The following NRG3 variants were observed in gnomAD, a reference collection of about 807,000 sequenced individuals.
NRG3 encodes pro-neuregulin-3, membrane-bound isoform.
In NRG3, 31 loss-of-function variants were observed where a neutral mutation model predicts 66.9. The observed-to-expected ratio is 0.46, with a 90% CI of 0.35 to 0.63. The LOEUF (loss-of-function observed/expected upper bound fraction) is 0.63, where lower values mean the gene tolerates loss of function less well. NRG3 is among the 20% of genes least tolerant of loss of function. NRG3 has a pLI of 0.00. For synonymous variants in NRG3, 393 were observed against 359.4 expected, an observed-to-expected ratio of 1.09 and a Z score of -1.06; for missense variants, 910 against 878.9, an observed-to-expected ratio of 1.04 and a Z score of -0.45.
At chr10:82,007,516 A>G (rs534107058) in intron 1 of NRG3, among the ~76,000 whole-genome samples, 22 of 152,228 alleles carry the variant, frequency 1.4e-4, no homozygotes, top group African/African-American at 4.3e-4. Flanking sequence ...CCTAAAATCA[A>G]ATTTTCTAAC....
intron 2 of NRG3, among the ~76,000 whole-genome samples, chr10:82,527,319 A>T (rs922547231): frequency 3.8e-5 from 5 of 130,082 alleles, no homozygotes; most frequent in Admixed American, 2.3e-4. Context: ...AATTAAAAAA[A>T]AAAATATTAG....
chr10:82,382,416 A>G (rs2085672545), intron 2 of NRG3, among the ~76,000 whole-genome samples: 1 of 151,982 alleles, frequency 6.6e-6, no homozygotes, highest in African/African-American at 2.4e-5. Flanking sequence ...AGTATGTGAT[A>G]ACTAGTTAAG....
intron 1 of NRG3, among the ~76,000 whole-genome samples, chr10:82,222,867 C>A (rs1473831992): frequency 6.6e-6 from 1 of 152,148 alleles, no homozygotes; most frequent in African/African-American, 2.4e-5. Flanking sequence ...GTCACATATA[C>A]TTTTTACATC....
chr10:82,493,108 G>GT (rs967384460), intron 2 of NRG3, among the ~76,000 whole-genome samples: 2,141 of 145,890 alleles, frequency 0.015, 44 homozygotes, highest in African/African-American at 0.05. Flanking sequence ...GTTCAGGTTT[G>GT]TTTTTTTTTT....
rs1554959773 is a variant in NRG3 at position 82,548,058 on chromosome 10, T to TTTA, written c.953+189190_953+189191insTTA. 1.2e-4 allele frequency among the ~76,000 whole-genome samples: 18 copies of TTTA among 148,664 alleles called. No homozygotes were observed. The East Asian group carries it at 1.6e-3, about 13-fold the overall frequency. ...TGCCACGTTTTTTTTTTTTTTTTTTTAAATCATGGAAGGAATTCTAGGAGA... is the reference window on the plus strand; with the variant it reads ...TGCCACGTTTTTTTTTTTTTTTTTTTTTAAAATCATGGAAGGAATTCTAGGAGA... On this transcript the variant is annotated intron_variant, in intron 2 of 8. Coordinates refer to ENST00000372141, the MANE Select transcript of NRG3 (RefSeq NM_001010848.4).
rs142750121 is a variant in NRG3 at position 82,129,415 on chromosome 10, A to G, written c.824-229324A>G. On this transcript the variant is annotated intron_variant, in intron 1 of 8. Coordinates refer to ENST00000372141, the MANE Select transcript of NRG3 (RefSeq NM_001010848.4). ...CTCCTCTATAGATTTCCTTGTTTTA[A>G]TTCTTATGGGTACATAGTTGGTGTA... Among the ~76,000 whole-genome samples, 599 of 152,084 alleles carry G rather than the reference A, an allele frequency of 3.9e-3. 5 individuals are homozygous for G. Among genetic ancestry groups the G allele is most frequent in the African/African-American group, 0.014 (569 of 41,478 alleles).
chr10:82,854,628 C>T (rs474496), intron 3 of NRG3, among the ~76,000 whole-genome samples: 1 of 152,016 alleles, frequency 6.6e-6, no homozygotes, highest in Non-Finnish European at 1.5e-5. Flanking sequence ...GCCCGACTTC[C>T]GAAGCTACAG....
chr10:82,358,097 A>G (rs2083895266), intron 1 of NRG3, among the ~76,000 whole-genome samples: 3 of 152,302 alleles, frequency 2.0e-5, no homozygotes, highest in East Asian at 3.9e-4. Context: ...AGTAATTATG[A>G]TTTTAAGAAT....
intron 2 of NRG3, among the ~76,000 whole-genome samples, chr10:82,647,291 G>A (rs995767041): frequency 7.9e-5 from 12 of 152,090 alleles, no homozygotes; most frequent in South Asian, 2.1e-4. Flanking sequence ...TACTGAGGAT[G>A]ATGATTTCCA....
intron 1 of NRG3, among the ~76,000 whole-genome samples, chr10:82,048,370 G>A (rs1589907149): frequency 2.0e-5 from 3 of 151,886 alleles, no homozygotes; most frequent in Admixed American, 6.6e-5. Flanking sequence ...CTCAGCAAAC[G>A]TAAAAGAACA....
chr10:82,517,529 G>A (rs1421807167), intron 2 of NRG3, among the ~76,000 whole-genome samples: 1 of 151,996 alleles, frequency 6.6e-6, no homozygotes, highest in Non-Finnish European at 1.5e-5. Context: ...ATAATCTTGT[G>A]TGTCTTCAAA....
intron 2 of NRG3, among the ~76,000 whole-genome samples, chr10:82,568,801 T>TG (rs2045566989): frequency 6.6e-6 from 1 of 151,856 alleles, no homozygotes; most frequent in Non-Finnish European, 1.5e-5. Flanking sequence ...CATTGTGATG[T>TG]AAATCCTAAC....
chr10:82,460,062 C>T (rs187059627), intron 2 of NRG3, among the ~76,000 whole-genome samples: 241 of 152,248 alleles, frequency 1.6e-3, no homozygotes, highest in African/African-American at 5.6e-3. Context: ...CATCTTTCTC[C>T]GCTTTTTGCT....
chr10:81,966,940 G>T (rs559664760), intron 1 of NRG3, among the ~76,000 whole-genome samples: 1 of 151,400 alleles, frequency 6.6e-6, no homozygotes, highest in African/African-American at 2.4e-5. Context: ...CATGCTATTT[G>T]TTTTATATTT....
At chr10:82,450,974 T>C (rs993662881) in intron 2 of NRG3, among the ~76,000 whole-genome samples, 3 of 152,202 alleles carry the variant, frequency 2.0e-5, no homozygotes, top group African/African-American at 7.2e-5. Context: ...CAGGTATTTT[T>C]CTAAATTAAA....
chr10:82,785,644 C>T (rs184481230), intron 3 of NRG3, among the ~76,000 whole-genome samples: 55 of 152,216 alleles, frequency 3.6e-4, no homozygotes, highest in Admixed American at 3.3e-3. Flanking sequence ...GAGGGATGAA[C>T]TAGGACATCT....
At chr10:82,024,621 G>A (rs779670771) in intron 1 of NRG3, among the ~76,000 whole-genome samples, 5 of 151,992 alleles carry the variant, frequency 3.3e-5, no homozygotes, top group African/African-American at 9.7e-5. Flanking sequence ...AAGGTGTGTA[G>A]AATGAGCACT....
intron 1 of NRG3, among the ~76,000 whole-genome samples, chr10:81,924,046 T>C (rs1163718181): frequency 2.0e-5 from 3 of 152,098 alleles, no homozygotes; most frequent in Non-Finnish European, 4.4e-5. Flanking sequence ...TACAGGCAGG[T>C]GATTGGGAGC....
chr10:82,394,044 G>A (rs549317149), intron 2 of NRG3, among the ~76,000 whole-genome samples: 2 of 152,214 alleles, frequency 1.3e-5, no homozygotes, highest in Admixed American at 1.3e-4. Flanking sequence ...GCTGTGTATT[G>A]CTATTTAGTA....
Sources: gnomAD v4.1 joint callset for allele counts (sites outside exome capture counted in the v4.1 genomes callset) on GRCh38, gnomAD v4.1.1 for gene constraint, MANE v1.5 for transcripts, NCBI Gene and HGNC (gene_info 2026-07-23, HGNC 2026-07-21) for gene names.